ERGIC1: variants seen among roughly 807,000 people sequenced by gnomAD.
ERGIC1 encodes endoplasmic reticulum-golgi intermediate compartment 1.
In ERGIC1, 19 loss-of-function variants were observed where a neutral mutation model predicts 38.3. The observed-to-expected ratio is 0.50, with a 90% CI of 0.35 to 0.73. The LOEUF (loss-of-function observed/expected upper bound fraction) is 0.73, where lower values mean the gene tolerates loss of function less well. ERGIC1 is among the 30% of genes least tolerant of loss of function. The pLI, the probability that ERGIC1 is intolerant of heterozygous loss-of-function variation, is 0.01. For missense variants in ERGIC1, 294 were observed against 389.2 expected (o/e 0.76, Z 2.06); for synonymous variants, 124 against 157.6 (o/e 0.79, Z 1.60).
intron 1 of ERGIC1, among the ~76,000 whole-genome samples, chr5:172,839,596 T>C (rs542781151): frequency 2.7e-5 from 4 of 150,796 alleles, no homozygotes; most frequent in Admixed American, 2.0e-4. Context: ...CACACACACA[T>C]ACACACACAT....
intron 2 of ERGIC1, among the ~76,000 whole-genome samples, chr5:172,892,824 C>G (rs1192251949): frequency 6.6e-6 from 1 of 152,162 alleles, no homozygotes; most frequent in Non-Finnish European, 1.5e-5. Context: ...GCATTGTGAC[C>G]TGGTCTCTGT....
At chr5:172,886,633 C>T (rs908818575) in intron 1 of ERGIC1, among the ~76,000 whole-genome samples, 34 of 152,218 alleles carry the variant, frequency 2.2e-4, no homozygotes, top group Non-Finnish European at 4.0e-4. Flanking sequence ...CAAATATCCA[C>T]GTGGCATTTC....
At chr5:172,947,379 T>G (rs573116861) in intron 9 of ERGIC1, among the ~76,000 whole-genome samples, 1 of 152,206 alleles carries the variant, frequency 6.6e-6, no homozygotes, top group South Asian at 2.1e-4. Context: ...GATCTCACTG[T>G]TTTGCCCAGG....
chr5:172,914,192 G>A (rs1763280167), intron 4 of ERGIC1, among the ~76,000 whole-genome samples: 1 of 138,940 alleles, frequency 7.2e-6, no homozygotes, highest in African/African-American at 2.7e-5. Flanking sequence ...TCGAGAGCAT[G>A]CCATTGCACA....
At chr5:172,851,909 T>C (rs1183934537) in intron 1 of ERGIC1, among the ~76,000 whole-genome samples, 1 of 152,050 alleles carries the variant, frequency 6.6e-6, no homozygotes, top group Non-Finnish European at 1.5e-5. Flanking sequence ...AGCACTCCAC[T>C]CATGTCAGCA....
At chr5:172,908,482 A>T (rs1763110215) in intron 3 of ERGIC1, among the ~76,000 whole-genome samples, 1 of 151,768 alleles carries the variant, frequency 6.6e-6, no homozygotes, top group Non-Finnish European at 1.5e-5. Flanking sequence ...AGGCTGAGGC[A>T]GAATAATTGC....
At chr5:172,901,279 G>A (rs1032994695) in intron 3 of ERGIC1, among the ~76,000 whole-genome samples, 3 of 152,146 alleles carry the variant, frequency 2.0e-5, no homozygotes, top group Non-Finnish European at 4.4e-5. Flanking sequence ...TGGGTGGTTG[G>A]GCTCCAACCT....
At chr5:172,894,486 G>A (rs1011160668) in intron 2 of ERGIC1, among the ~76,000 whole-genome samples, 2 of 152,014 alleles carry the variant, frequency 1.3e-5, no homozygotes, top group Admixed American at 6.6e-5. Context: ...GAGCCACCGC[G>A]CCTGGCCAAC....
In ERGIC1 at chr5:172,850,016, G is replaced by C. The variant is rs147149352; in HGVS notation, c.20+15583G>C. The stretch of plus-strand genomic sequence containing the variant: ...ACAGGTGAGAGAACCGAGGTGGCGT[G>C]ATCTGATCTAGTGTTGGGTGTGTCA... On this transcript the variant is annotated intron_variant, in intron 1 of 9. Coordinates refer to ENST00000393784, the MANE Select transcript of ERGIC1 (RefSeq NM_001031711.3). Among the ~76,000 whole-genome samples the C allele has an allele frequency of 6.0e-3, 915 of 152,282 alleles. 9 individuals carry two copies. Among genetic ancestry groups the C allele is most frequent in the African/African-American group, 0.021 (854 of 41,564 alleles).
At chr5:172,901,257 G>A (rs1372109471) in intron 3 of ERGIC1, among the ~76,000 whole-genome samples, 1 of 152,228 alleles carries the variant, frequency 6.6e-6, no homozygotes, top group Non-Finnish European at 1.5e-5. Flanking sequence ...GTGAGGGGGA[G>A]GCACATTTGT....
Position 172,924,603 on chromosome 5 carries a change from C to A in ERGIC1, c.480+494C>A, listed in dbSNP as rs78451893. Among the ~76,000 whole-genome samples, 26 of 152,070 alleles carry A rather than the reference C, an allele frequency of 1.7e-4. No individual in the cohort carries two copies. The East Asian group carries it at 3.1e-3, about 18-fold the overall frequency. ...CAATGAGGAAGATGGACCCAGGAGG[C>A]AAGACTATAGGCAGGGAGGTGAGGG... On this transcript the variant is annotated intron_variant, in intron 6 of 9. Coordinates refer to ENST00000393784, the MANE Select transcript of ERGIC1 (RefSeq NM_001031711.3).
At chr5:172,950,685 C>CA in intron 9 of ERGIC1, 24 bp from the exon 10 acceptor site, 9 of 1,600,532 alleles carry the variant, frequency 5.6e-6, no homozygotes, top group Non-Finnish European at 7.7e-6. Flanking sequence ...CTGACACTCC[C>CA]ACCCCACCCC....
At chr5:172,885,883 G>A (rs764159999) in intron 1 of ERGIC1, among the ~76,000 whole-genome samples, 1 of 152,132 alleles carries the variant, frequency 6.6e-6, no homozygotes, top group African/African-American at 2.4e-5. Flanking sequence ...CGTCTCATTT[G>A]TCCTGTAGAG....
intron 1 of ERGIC1, 126 bp from the exon 2 acceptor site, chr5:172,888,573 G>A: frequency 2.6e-6 from 2 of 779,752 alleles, no homozygotes; most frequent in Non-Finnish European, 4.6e-6. Flanking sequence ...TCCTGAAAGA[G>A]CAGAAAAACT....
chr5:172,899,749 G>C (rs1762823600), intron 3 of ERGIC1, among the ~76,000 whole-genome samples: 2 of 152,190 alleles, frequency 1.3e-5, no homozygotes, highest in Admixed American at 6.5e-5. Flanking sequence ...AACAAAACTA[G>C]ACTGTATCGA....
intron 9 of ERGIC1, 93 bp downstream of exon 9, chr5:172,935,403 T>A (rs1488877738): frequency 1.0e-5 from 16 of 1,552,272 alleles, no homozygotes; most frequent in Non-Finnish European, 1.3e-5. Flanking sequence ...CTGTTCTCGC[T>A]GAAACAGGAG....
chr5:172,920,652 TG>T, intron 5 of ERGIC1: 1 of 565,766 alleles, frequency 1.8e-6, no homozygotes, highest in South Asian at 2.0e-5. Context: ...GGAGGGGGAG[TG>T]GGTTCCTGAG....
At chr5:172,886,586 A>G (rs1365005902) in intron 1 of ERGIC1, among the ~76,000 whole-genome samples, 1 of 152,118 alleles carries the variant, frequency 6.6e-6, no homozygotes, top group Non-Finnish European at 1.5e-5. Context: ...CACTGCGTAA[A>G]TGTTTGTCAA....
At chr5:172,932,592 G>A (rs1246200361) in intron 8 of ERGIC1, 56 bp downstream of exon 8, 1 of 1,529,796 alleles carries the variant, frequency 6.5e-7, no homozygotes, top group Non-Finnish European at 9.0e-7. Flanking sequence ...TGCTGACGGA[G>A]AGCAGAGATG....
Sources: allele counts gnomAD v4.1 joint callset (sites outside exome capture counted in the v4.1 genomes callset), GRCh38; gene constraint gnomAD v4.1.1; transcripts MANE v1.5; gene names NCBI Gene and HGNC (gene_info 2026-07-23, HGNC 2026-07-21).